Variants in TBC1D1 observed in about 807,000 individuals in gnomAD.
TBC1D1 encodes the protein TBC1 (tre-2/USP6, BUB2, cdc16) domain family, member 1.
A neutral mutation model predicts 125.6 loss-of-function variants in TBC1D1; 89 were observed. The observed-to-expected ratio is 0.71, with a 90% CI of 0.60 to 0.85. The LOEUF (loss-of-function observed/expected upper bound fraction) is 0.85, where lower values mean the gene tolerates loss of function less well. Ranked by LOEUF, TBC1D1 falls within the 40% of genes least tolerant of loss-of-function variation. TBC1D1 has a pLI of 0.00. For synonymous variants in TBC1D1, 565 were observed against 564.1 expected, an observed-to-expected ratio of 1.00 and a Z score of -0.02; for missense variants, 1,377 against 1,469.2, an observed-to-expected ratio of 0.94 and a Z score of 1.03.
At chr4:38,130,452 A>G (rs1765398882) in intron 18 of TBC1D1, among the ~76,000 whole-genome samples, 2 of 152,210 alleles carry the variant, frequency 1.3e-5, no homozygotes, top group African/African-American at 4.8e-5. Flanking sequence ...ACTTTGGCAA[A>G]CAGAAGAGAA....
At position 38,115,932 on chromosome 4, in the gene TBC1D1, G is replaced by C; in HGVS notation, c.2780G>C (p.Arg927Pro). The stretch of plus-strand genomic sequence containing the variant: ...GACATGGGGCTGCGGAAACAGTATC[G>C]GCCAGACATGATTATTTTACAGGTA... Residue 927 changes from arginine to proline, a missense_variant, in exon 16 of 20, where the codon CGG becomes CCG. By Grantham distance (103) the Arg-to-Pro change is moderately radical. Around this residue, in one of 3 missense-constraint regions of TBC1D1, gnomAD observed 543 missense variants for 613.5 expected, o/e 0.89. Coordinates refer to ENST00000261439, the MANE Select transcript of TBC1D1 (RefSeq NM_015173.4). The C allele has an allele frequency of 6.2e-7, 1 of 1,614,104 alleles. No homozygotes were observed. The highest frequency in any genetic ancestry group is 8.5e-7 in the Non-Finnish European group (1 of 1,180,018).
intron 8 of TBC1D1, among the ~76,000 whole-genome samples, chr4:38,037,297 A>G (rs972648157): frequency 6.6e-6 from 1 of 151,736 alleles, no homozygotes; most frequent in South Asian, 2.1e-4. Context: ...ACCCAAAAAA[A>G]CATAAGAGTT....
intron 13 of TBC1D1, among the ~76,000 whole-genome samples, chr4:38,093,530 T>TCC (rs1560775631): frequency 6.1e-5 from 7 of 115,020 alleles, no homozygotes; most frequent in Non-Finnish European, 1.2e-4. Context: ...CCCCCCCCTT[T>TCC]TTTTTTTTTT....
intron 15 of TBC1D1, among the ~76,000 whole-genome samples, chr4:38,109,046 G>A (rs961173723): frequency 5.9e-5 from 9 of 152,164 alleles, no homozygotes; most frequent in African/African-American, 4.8e-5. Flanking sequence ...GGGTGCTGGC[G>A]GGGACCACAG....
intron 6 of TBC1D1, among the ~76,000 whole-genome samples, chr4:38,024,501 A>G (rs1259563235): frequency 6.6e-6 from 1 of 152,216 alleles, no homozygotes; most frequent in Admixed American, 6.5e-5. Context: ...TTTGGAATTA[A>G]TCATTTGATC....
intron 3 of TBC1D1, among the ~76,000 whole-genome samples, chr4:38,016,313 A>G (rs1263552542): frequency 6.6e-6 from 1 of 152,212 alleles, no homozygotes; most frequent in Non-Finnish European, 1.5e-5. Context: ...TTCTGGGCTC[A>G]CAGAGCAGCA....
At chr4:38,091,108 A>G (rs942300858) in intron 13 of TBC1D1, among the ~76,000 whole-genome samples, 3 of 152,238 alleles carry the variant, frequency 2.0e-5, no homozygotes, top group African/African-American at 7.2e-5. Flanking sequence ...TTATGACAAC[A>G]CTGTGTACGA....
At chr4:37,928,148 G>A (rs1368557098) in intron 2 of TBC1D1, among the ~76,000 whole-genome samples, 1 of 152,188 alleles carries the variant, frequency 6.6e-6, no homozygotes, top group Non-Finnish European at 1.5e-5. Flanking sequence ...AATGAGTTAA[G>A]ATGTGTGAAG....
chr4:37,931,477 T>A (rs2152289352), intron 2 of TBC1D1, among the ~76,000 whole-genome samples: 1 of 152,116 alleles, frequency 6.6e-6, no homozygotes, highest in African/African-American at 2.4e-5. Context: ...TCCCTGACCT[T>A]TTTCCACTCT....
intron 1 of TBC1D1, among the ~76,000 whole-genome samples, chr4:37,899,543 G>A (rs1205309547): frequency 6.6e-6 from 1 of 151,780 alleles, no homozygotes; most frequent in Non-Finnish European, 1.5e-5. Context: ...AGCTCTCCGG[G>A]CTTCAGTTTC....
intron 15 of TBC1D1, among the ~76,000 whole-genome samples, chr4:38,103,651 G>T (rs1186426642): frequency 6.6e-6 from 1 of 152,128 alleles, no homozygotes; most frequent in Non-Finnish European, 1.5e-5. Flanking sequence ...CTCTTGAATA[G>T]TTTTTAAAAT....
intron 1 of TBC1D1, among the ~76,000 whole-genome samples, chr4:37,892,054 TC>T (rs910389603): frequency 5.9e-5 from 9 of 152,342 alleles, no homozygotes; most frequent in African/African-American, 2.2e-4. Context: ...TGATGGTTGT[TC>T]CTTCCACCAA....
intron 11 of TBC1D1, 44 bp from the exon 12 acceptor site, chr4:38,051,855 C>A: frequency 2.6e-6 from 4 of 1,529,712 alleles, no homozygotes; most frequent in South Asian, 1.2e-5. Flanking sequence ...GTCGGCGCCC[C>A]CTCTCCTGCT....
rs1392563421 is a variant in TBC1D1 at position 38,139,014 on chromosome 4, A to G, written c.*1679A>G. ...CTCGTGGTTCCGCTAGATGTAACTT[A>G]TAGGAGTTAACATTTGAGGACTTTG... On this transcript the variant is annotated 3_prime_UTR_variant, in exon 20 of 20. Coordinates refer to ENST00000261439, the MANE Select transcript of TBC1D1 (RefSeq NM_015173.4). 6.6e-6 allele frequency: 1 copy of G among 152,614 alleles called. No homozygotes were observed. The highest frequency in any genetic ancestry group is 1.5e-5 in the Non-Finnish European group (1 of 68,024). 9.5% of individuals were successfully genotyped at this position (152,614 alleles called of 1,614,324 possible).
chr4:38,073,566 ATTGAG>A (rs1755065881), intron 12 of TBC1D1, among the ~76,000 whole-genome samples: 1 of 152,056 alleles, frequency 6.6e-6, no homozygotes, highest in African/African-American at 2.4e-5. Context: ...CCATTTTTTA[ATTGAG>A]TTATTTGATT....
rs1402091939 is a variant in TBC1D1 at position 38,018,486 on chromosome 4, T to C, written c.972+43T>C. 3.2e-6 allele frequency: 4 copies of C among 1,244,096 alleles called. No homozygotes were observed. In the East Asian group the frequency reaches 9.3e-5, roughly 29 times the overall value. The allele number at this position is 1,244,096 out of a possible 1,614,324, so 77.1% of individuals were successfully genotyped here. ...TTTTTATTCAATTGCAATGGAATTTTTAAATGAATTTCTATAATATCTATC... is the reference window on the plus strand; with the variant it reads ...TTTTTATTCAATTGCAATGGAATTTCTAAATGAATTTCTATAATATCTATC... On this transcript the variant is annotated intron_variant, in intron 4 of 19. Transcript: ENST00000261439.
chr4:37,925,434 A>T (rs975024207), intron 2 of TBC1D1, among the ~76,000 whole-genome samples: 6 of 152,132 alleles, frequency 3.9e-5, no homozygotes, highest in African/African-American at 1.4e-4. Flanking sequence ...TAAAAATGAT[A>T]CGACTGGTTG....
chr4:37,892,554 ATTTC>A (rs1259415067), intron 1 of TBC1D1, among the ~76,000 whole-genome samples: 6 of 152,210 alleles, frequency 3.9e-5, no homozygotes, highest in African/African-American at 1.4e-4. Flanking sequence ...AATTAAAATA[ATTTC>A]TTTCCTGTGG....
In TBC1D1 at chr4:38,000,378, G is replaced by A. The variant is rs1271216512; in HGVS notation, c.418-14131G>A. ...ATTACAGATGGAGTATCCCTTATCC[G>A]AAATACTTAGGACCAGCAAGTGTTG... On this transcript the variant is annotated intron_variant, in intron 2 of 19. Coordinates refer to ENST00000261439, the MANE Select transcript of TBC1D1 (RefSeq NM_015173.4). 4.6e-5 allele frequency among the ~76,000 whole-genome samples: 7 copies of A among 152,130 alleles called. No homozygotes were observed. The South Asian group carries it at 1.5e-3, about 32-fold the overall frequency.
Sources: allele counts gnomAD v4.1 joint callset (sites outside exome capture counted in the v4.1 genomes callset), GRCh38; gene constraint gnomAD v4.1.1; regional missense constraint gnomAD v4.1.1; transcripts MANE v1.5; gene names NCBI Gene and HGNC (gene_info 2026-07-23, HGNC 2026-07-21).